CAPRIN2: variants seen among roughly 807,000 people sequenced by gnomAD.
CAPRIN2 encodes caprin family member 2, also known as caprin-2.
CAPRIN2 carries 66 observed loss-of-function variants against 130.4 expected under a neutral mutation model. That is an observed-to-expected ratio of 0.51 (90% CI 0.42 to 0.62). The LOEUF is 0.62. Among genes scored for constraint, CAPRIN2 ranks in the 20% least tolerant of loss-of-function variants. The probability of loss-of-function intolerance (pLI) is 0.00; values close to 1 mark genes in which losing one functional copy is unlikely to be tolerated. For missense variants in CAPRIN2, 1,185 were observed against 1,246.6 expected, an observed-to-expected ratio of 0.95 and a Z score of 0.74; for synonymous variants, 471 against 444.1, an observed-to-expected ratio of 1.06 and a Z score of -0.76.
chr12:30,709,719 T>A (rs7032), exon 17 of CAPRIN2: 49,849 of 587,668 alleles, frequency 0.085, 2,690 homozygotes, highest in Non-Finnish European at 0.11. Flanking sequence ...AGTGCCAGAT[T>A]AGTGCTAATT....
intron 1 of CAPRIN2, among the ~76,000 whole-genome samples, chr12:30,751,909 ATTTTTTTT>A (rs574883707): frequency 0.052 from 4,566 of 87,914 alleles, 248 homozygotes; most frequent in African/African-American, 0.15. Context: ...CCACTATGGT[ATTTTTTTT>A]TTTTTTTTTT....
chr12:30,711,742 G>A (rs117164899), intron 15 of CAPRIN2, 113 bp from the exon 18 acceptor site: 16,167 of 824,506 alleles, frequency 0.02, 234 homozygotes, highest in Non-Finnish European at 0.023. Flanking sequence ...TCTTTACCTG[G>A]CCTTCCCCAG....
intron 2 of CAPRIN2, among the ~76,000 whole-genome samples, chr12:30,742,985 A>G (rs757276549): frequency 1.3e-5 from 2 of 152,176 alleles, no homozygotes; most frequent in Admixed American, 6.5e-5. Context: ...GAAATACTCC[A>G]TATCTACTCC....
At chr12:30,747,448 C>A (rs182660533) in intron 2 of CAPRIN2, among the ~76,000 whole-genome samples, 53 of 152,166 alleles carry the variant, frequency 3.5e-4, no homozygotes, top group Admixed American at 2.7e-3. Context: ...GAGGCCGAGG[C>A]GGGCAGATCA....
intron 14 of CAPRIN2, 75 bp downstream of exon 16, chr12:30,714,884 A>C: frequency 8.4e-7 from 1 of 1,185,416 alleles, no homozygotes; most frequent in Non-Finnish European, 1.2e-6. Context: ...GAGCAAGGTT[A>C]GGTAAAAATG....
chr12:30,747,677 CA>C (rs777165396), intron 2 of CAPRIN2, among the ~76,000 whole-genome samples: 255 of 114,872 alleles, frequency 2.2e-3, no homozygotes, highest in African/African-American at 3.9e-3. Flanking sequence ...AACACCGTCT[CA>C]AAAAAAAAAA....
chr12:30,740,721 T>C (rs920013252), intron 3 of CAPRIN2, among the ~76,000 whole-genome samples: 9 of 152,210 alleles, frequency 5.9e-5, no homozygotes, highest in Non-Finnish European at 1.3e-4. Context: ...TTGTCAAAAG[T>C]TTGATTCCCT....
chr12:30,728,779 T>C lies in CAPRIN2; in HGVS notation c.1651A>G (p.Asn551Asp), dbSNP rs2304629. 138 of 1,614,142 alleles carry C rather than the reference T, an allele frequency of 8.5e-5. No individual in the cohort carries two copies. The East Asian group carries it at 2.8e-3, about 33-fold the overall frequency. The change falls in exon 8 of 17, where the codon AAT (asparagine) becomes GAT (aspartate). Residue 551 changes from asparagine to aspartate, a missense_variant. By Grantham distance (23) the Asn-to-Asp change is conservative. Transcript: ENST00000298892. ...AAAGAGTGTTTTTGACTCTCAACAT[T>C]GTTTTCCCAGGATTTTGGAGTCTCT...
chr12:30,724,383 T>G (rs374851396), exon 10 of CAPRIN2: 1 of 1,608,748 alleles, frequency 6.2e-7, no homozygotes, highest in African/African-American at 1.3e-5. Flanking sequence ...CGGGGCTACC[T>G]GGAGTAGCTG....
At chr12:30,714,553 A>G (rs2056760038) in intron 14 of CAPRIN2, among the ~76,000 whole-genome samples, 1 of 151,622 alleles carries the variant, frequency 6.6e-6, no homozygotes, top group African/African-American at 2.4e-5. Flanking sequence ...GTTTAAGAGA[A>G]TATCACTATT....
intron 3 of CAPRIN2, among the ~76,000 whole-genome samples, chr12:30,738,691 G>T (rs2065968766): frequency 6.6e-6 from 1 of 152,074 alleles, no homozygotes; most frequent in Non-Finnish European, 1.5e-5. Context: ...TATCTATAAG[G>T]AAGTTAAATA....
At position 30,710,948 on chromosome 12, in the gene CAPRIN2, C is replaced by CT. The variant is rs1199488712; in HGVS notation, c.2666-479dup. Among the ~76,000 whole-genome samples, 11 of 152,238 alleles carry CT rather than the reference C, an allele frequency of 7.2e-5. No individual in the cohort carries two copies. The East Asian group carries it at 1.9e-3, about 27-fold the overall frequency. ...GAACTAAGTCCCATGATGATGAATGCTTTTTTTATTTCCAAGTCATACACT... is the reference window on the plus strand; with the variant it reads ...GAACTAAGTCCCATGATGATGAATGCTTTTTTTTATTTCCAAGTCATACACT... On this transcript the variant is annotated intron_variant, in intron 16 of 16. Transcript: ENST00000298892. The surrounding 1 kb of genome is among the most constrained non-coding windows in gnomAD (Gnocchi z 4.8).
Position 30,753,568 on chromosome 12 carries a change from CA to C in CAPRIN2, c.195del (p.Phe65LeufsTer18), listed in dbSNP as rs1304054978. On this transcript the variant is annotated frameshift_variant, in exon 1 of 17. Coordinates refer to ENST00000298892, the Ensembl canonical transcript of CAPRIN2. LOFTEE classifies it high-confidence loss of function. ...GAATGGCCTGAAGGTGACTGGTAACCAAAAGGGGATGAAAAGAGTTGCACCA... is the reference window on the plus strand; with the variant it reads ...GAATGGCCTGAAGGTGACTGGTAACCAAAGGGGATGAAAAGAGTTGCACCA... 2 of 1,613,894 alleles carry C rather than the reference CA, an allele frequency of 1.2e-6. No homozygotes were observed. The highest frequency in any genetic ancestry group is 2.7e-5 in the African/African-American group (2 of 74,848).
intron 13 of CAPRIN2, chr12:30,716,279 G>A (rs1055594142): frequency 3.9e-5 from 17 of 436,446 alleles, no homozygotes; most frequent in Non-Finnish European, 5.6e-5. Flanking sequence ...CCTACTTCAA[G>A]GTTAAATCCG....
In CAPRIN2 at chr12:30,753,413, C is replaced by T. The variant is rs151080170; in HGVS notation, c.351G>A (p.Ala117=). Residue 117 remains alanine, a synonymous_variant, in exon 1 of 17, where the codon GCG becomes GCA. Coordinates refer to ENST00000298892, the Ensembl canonical transcript of CAPRIN2. ...GTCCATTTTCAATATAGGTCTCATA[C>T]GCTTGGGAAGGAGATGCAGCAGAAC... The T allele has an allele frequency of 5.1e-5, 83 of 1,613,772 alleles. No homozygotes were observed. In the African/African-American group the frequency reaches 7.1e-4, roughly 14 times the overall value.
intron 3 of CAPRIN2, among the ~76,000 whole-genome samples, chr12:30,736,744 C>T (rs1292540693): frequency 1.3e-5 from 2 of 152,188 alleles, no homozygotes; most frequent in Admixed American, 6.5e-5. Context: ...TCAGTATAGA[C>T]TGCATCAATA....
intron 11 of CAPRIN2, 127 bp downstream of exon 12, chr12:30,723,132 A>G (rs1442452804): frequency 2.5e-5 from 17 of 670,516 alleles, no homozygotes; most frequent in Middle Eastern, 3.8e-4. Context: ...CTACAAAACT[A>G]GATATGCTTA....
chr12:30,713,966 A>G, intron 14 of CAPRIN2, 81 bp from the exon 17 acceptor site: 1 of 752,866 alleles, frequency 1.3e-6, no homozygotes, highest in Non-Finnish European at 2.2e-6. Context: ...TATTGCTTTA[A>G]AAGTTAAATT....
chr12:30,713,723 A>T (rs188247987), intron 15 of CAPRIN2, 62 bp downstream of exon 17: 1 of 943,210 alleles, frequency 1.1e-6, no homozygotes, highest in East Asian at 2.4e-5. Context: ...GATATACTTC[A>T]ATCACCAGCT....
Sources: allele counts gnomAD v4.1 joint callset (sites outside exome capture counted in the v4.1 genomes callset), GRCh38; gene constraint gnomAD v4.1.1; non-coding constraint Gnocchi (gnomAD v3.1); transcripts MANE v1.5; gene names NCBI Gene and HGNC (gene_info 2026-07-23, HGNC 2026-07-21).